MYO1E: variants seen among roughly 807,000 people sequenced by gnomAD.
The protein encoded by MYO1E is unconventional myosin-Ie.
MYO1E carries 68 observed loss-of-function variants against 151.1 expected under a neutral mutation model. The ratio of observed to expected loss-of-function variants is 0.45; its 90% CI spans 0.37 to 0.55. The LOEUF (loss-of-function observed/expected upper bound fraction) is 0.55. Among genes scored for constraint, MYO1E ranks in the 20% least tolerant of loss-of-function variants. MYO1E has a pLI of 0.00. For missense variants in MYO1E, 1,363 were observed against 1,389.3 expected (o/e 0.98, Z 0.30); for synonymous variants, 601 against 501.7 (o/e 1.20, Z -2.64).
Position 59,137,319 on chromosome 15 carries a change from A to G in MYO1E, c.*61T>C. 1 of 1,458,974 alleles carries G rather than the reference A, an allele frequency of 6.9e-7. No homozygotes were observed. Among genetic ancestry groups the G allele is most frequent in the Non-Finnish European group, 9.6e-7 (1 of 1,039,016 alleles). The allele number at this position is 1,458,974 out of a possible 1,614,324, so 90.4% of individuals were successfully genotyped here. A position where few individuals can be genotyped will look rare whatever the true frequency, so the allele number is the denominator to read the frequency against. On this transcript the variant is annotated 3_prime_UTR_variant, in exon 28 of 28. Transcript: ENST00000288235. ...TGGATTGTAAGGGGAGCCCCTAAAT[A>G]TCCCCTCCCCTGGTCTGTGCCTGGA... is the stretch of plus-strand genomic sequence containing the variant.
At chr15:59,141,355 G>GT (rs1159800485) in intron 26 of MYO1E, among the ~76,000 whole-genome samples, 2 of 152,138 alleles carry the variant, frequency 1.3e-5, no homozygotes, top group African/African-American at 2.4e-5. Flanking sequence ...ATATGAAAGT[G>GT]TAACAATTGC....
chr15:59,267,370 A>G (rs1024623873), intron 2 of MYO1E, among the ~76,000 whole-genome samples: 7 of 152,210 alleles, frequency 4.6e-5, no homozygotes, highest in African/African-American at 1.7e-4. Flanking sequence ...AAAACCACCT[A>G]CGCTGGTCGA....
intron 1 of MYO1E, among the ~76,000 whole-genome samples, chr15:59,334,458 A>G (rs184466749): frequency 7.9e-5 from 11 of 139,396 alleles, no homozygotes; most frequent in African/African-American, 2.9e-4. Flanking sequence ...CCTACTTTGT[A>G]CGCATATGTT....
At position 59,214,691 on chromosome 15, in the gene MYO1E, A is replaced by T; in HGVS notation, c.1137T>A (p.His379Gln). Reference sequence around the variant, plus strand: ...CTAGGACGCCAATGTTGTATTCTTCATGGTCTTTCTCCATGGCTTTATTGA... The same window carrying T: ...CTAGGACGCCAATGTTGTATTCTTCTTGGTCTTTCTCCATGGCTTTATTGA... ...DSINKAMEKD[H>Q]EEYNIGVLDI... Residue 379 changes from histidine to glutamine, a missense_variant, in exon 11 of 28, where the codon CAT becomes CAA. Coordinates refer to ENST00000288235, the MANE Select transcript of MYO1E (RefSeq NM_004998.4). The T allele has an allele frequency of 6.2e-7, 1 of 1,613,846 alleles. No individual in the cohort carries two copies. Among genetic ancestry groups the T allele is most frequent in the South Asian group, 1.1e-5 (1 of 91,080 alleles).
chr15:59,239,130 C>T (rs929305103), intron 4 of MYO1E, among the ~76,000 whole-genome samples: 7 of 151,198 alleles, frequency 4.6e-5, no homozygotes, highest in Middle Eastern at 3.2e-3. Flanking sequence ...CTCTTGAACC[C>T]GGGAGGCAGA....
intron 4 of MYO1E, among the ~76,000 whole-genome samples, chr15:59,243,361 T>C (rs191220352): frequency 2.6e-5 from 4 of 152,290 alleles, no homozygotes; most frequent in African/African-American, 7.2e-5. Context: ...GATGTGTTCA[T>C]TGTGTGTATC....
intron 9 of MYO1E, among the ~76,000 whole-genome samples, chr15:59,222,373 C>T (rs988378546): frequency 2.0e-5 from 3 of 152,116 alleles, no homozygotes; most frequent in African/African-American, 4.8e-5. Flanking sequence ...AGTCATGTGC[C>T]GCTGTATTTA....
rs373343296 is a variant in MYO1E at position 59,172,006 on chromosome 15, A to G, written c.2371T>C (p.Leu791=). The change falls in exon 22 of 28, where the codon TTG becomes CTG. Residue 791 remains leucine, a synonymous_variant. Transcript: ENST00000288235. ...ACTTTTTCTCGTCCGATTAAGTACA[A>G]GCACTTTGGGGTAAGGAGCAGGTCT... is the stretch of plus-strand genomic sequence containing the variant. The part of the protein sequence containing the change: ...KRDLLLTPKC[L]YLIGREKVKQ... 1 of 1,614,082 alleles carries G rather than the reference A, an allele frequency of 6.2e-7. No homozygotes were observed. The highest frequency in any genetic ancestry group is 1.3e-5 in the African/African-American group (1 of 74,934).
intron 4 of MYO1E, among the ~76,000 whole-genome samples, chr15:59,250,037 T>G (rs1466835283): frequency 1.3e-5 from 2 of 152,214 alleles, no homozygotes; most frequent in African/African-American, 4.8e-5. Context: ...AACCACGGCA[T>G]GCCAGAGGTT....
At chr15:59,140,668 TGCTGGCC>T (rs1488001024) in intron 26 of MYO1E, among the ~76,000 whole-genome samples, 31 of 152,332 alleles carry the variant, frequency 2.0e-4, no homozygotes, top group Middle Eastern at 3.4e-3. Flanking sequence ...AGCCACAGCC[TGCTGGCC>T]TTGCCCAGGT....
chr15:59,278,815 G>A (rs1006237505), intron 1 of MYO1E, among the ~76,000 whole-genome samples: 15 of 152,092 alleles, frequency 9.9e-5, no homozygotes, highest in African/African-American at 3.4e-4. Context: ...CCAGAAATAC[G>A]TGCCAATGCT....
chr15:59,295,233 C>T (rs531596076), intron 1 of MYO1E, among the ~76,000 whole-genome samples: 2 of 152,016 alleles, frequency 1.3e-5, no homozygotes, highest in Non-Finnish European at 2.9e-5. Context: ...AAAGCTTAAG[C>T]ACTGAATTGG....
Position 59,138,270 on chromosome 15 carries a change from A to T in MYO1E, c.3178T>A (p.Tyr1060Asn). ...KPQVPQCKALYAYDAQDTDEL... is the reference protein window; with the variant it reads ...KPQVPQCKALNAYDAQDTDEL... ...TCTGTGTCCTGAGCGTCATAGGCAT[A>T]CAAAGCCTTGCACTGTGGCACCTGA... The change falls in exon 27 of 28, where the codon TAT (tyrosine) becomes AAT (asparagine). Residue 1060 changes from tyrosine to asparagine, a missense_variant. Transcript: ENST00000288235. 1 of 1,614,248 alleles carries T rather than the reference A, an allele frequency of 6.2e-7. No individual in the cohort carries two copies. The highest frequency in any genetic ancestry group is 8.5e-7 in the Non-Finnish European group (1 of 1,180,042).
Position 59,207,241 on chromosome 15 carries a change from G to C in MYO1E, c.1530+1440C>G, listed in dbSNP as rs1398981545. 1.9e-6 allele frequency: 3 copies of C among 1,614,086 alleles called. No individual in the cohort carries two copies. Among genetic ancestry groups the C allele is most frequent in the Non-Finnish European group, 2.5e-6 (3 of 1,180,040 alleles). On this transcript the variant is annotated intron_variant, in intron 14 of 27. Transcript: ENST00000288235. ...CTTGAGTGATGAACTTGCCCTTGTG[G>C]ATCTTGATGAAGACAAACTGAAGGG...
At chr15:59,232,838 C>G (rs2080036549) in intron 5 of MYO1E, among the ~76,000 whole-genome samples, 1 of 152,090 alleles carries the variant, frequency 6.6e-6, no homozygotes, top group South Asian at 2.1e-4. Flanking sequence ...ATGTAACAGC[C>G]AAAGTGTTAC....
At chr15:59,347,654 G>A (rs1196054667) in intron 1 of MYO1E, among the ~76,000 whole-genome samples, 1 of 152,160 alleles carries the variant, frequency 6.6e-6, no homozygotes, top group East Asian at 1.9e-4. Context: ...AAGGATCAAG[G>A]AAACAGAAGA....
chr15:59,269,942 CTT>C, intron 2 of MYO1E, among the ~76,000 whole-genome samples: 1 of 152,046 alleles, frequency 6.6e-6, no homozygotes, highest in South Asian at 2.1e-4. Flanking sequence ...ATATTTGAGA[CTT>C]TGCAGAGAGT....
intron 1 of MYO1E, among the ~76,000 whole-genome samples, chr15:59,319,080 G>T (rs1207838404): frequency 2.0e-5 from 3 of 152,164 alleles, no homozygotes; most frequent in African/African-American, 7.2e-5. Flanking sequence ...GGAGGTCAAG[G>T]CAGGTGGATC....
chr15:59,273,285 T>C (rs2080298780), intron 1 of MYO1E, among the ~76,000 whole-genome samples: 1 of 152,322 alleles, frequency 6.6e-6, no homozygotes, highest in Admixed American at 6.5e-5. Flanking sequence ...TTGGCATTTC[T>C]GTAGTGGGGT....
Sources: allele counts gnomAD v4.1 joint callset (sites outside exome capture counted in the v4.1 genomes callset), GRCh38; gene constraint gnomAD v4.1.1; transcripts MANE v1.5; gene names NCBI Gene and HGNC (gene_info 2026-07-23, HGNC 2026-07-21).